Variants in PCDHGA2 observed in about 807,000 individuals in gnomAD.
The protein encoded by PCDHGA2 is protocadherin gamma subfamily A, 2.
A neutral mutation model predicts 59.2 loss-of-function variants in PCDHGA2; 40 were observed. That is an observed-to-expected ratio of 0.68 (90% CI 0.52 to 0.88). The LOEUF is 0.88. PCDHGA2 is among the 40% of genes least tolerant of loss of function. The pLI is 0.00. For missense variants in PCDHGA2, 1,226 were observed against 1,204.0 expected (o/e 1.02, Z -0.27); for synonymous variants, 560 against 526.0 (o/e 1.06, Z -0.89).
intron 1 of PCDHGA2, among the ~76,000 whole-genome samples, chr5:141,481,913 CAAAAAAA>C (rs34114744): frequency 2.2e-5 from 2 of 90,812 alleles, no homozygotes; most frequent in Admixed American, 1.2e-4. Context: ...AACTCCATCT[CAAAAAAA>C]AAAAAAAAAA....
intron 1 of PCDHGA2, among the ~76,000 whole-genome samples, chr5:141,364,008 C>G (rs553317478): frequency 6.6e-6 from 1 of 152,076 alleles, no homozygotes; most frequent in African/African-American, 2.4e-5. Flanking sequence ...TCATAAACAA[C>G]GCTACACAGT....
At chr5:141,462,459 C>T (rs190781980) in intron 1 of PCDHGA2, among the ~76,000 whole-genome samples, 11 of 152,128 alleles carry the variant, frequency 7.2e-5, no homozygotes, top group Admixed American at 2.6e-4. Flanking sequence ...TAACTGAAAA[C>T]TGTGTATTCT....
chr5:141,391,155 T>C (rs2092309201), intron 1 of PCDHGA2: 1 of 152,250 alleles, frequency 6.6e-6, no homozygotes, highest in Non-Finnish European at 1.5e-5. Context: ...GAAAGAAATA[T>C]AGTCTTGAAA....
intron 1 of PCDHGA2, chr5:141,433,331 C>G: frequency 1.4e-6 from 1 of 699,624 alleles, no homozygotes; most frequent in South Asian, 1.9e-5. Context: ...GTAACAGGGA[C>G]TACAGGTGCA....
chr5:141,429,487 C>G (rs2097218311), intron 1 of PCDHGA2, among the ~76,000 whole-genome samples: 1 of 151,822 alleles, frequency 6.6e-6, no homozygotes, highest in Non-Finnish European at 1.5e-5. Flanking sequence ...GTAGCTGAGA[C>G]TACAGTTGCC....
intron 1 of PCDHGA2, chr5:141,345,546 G>A: frequency 1.2e-6 from 2 of 1,614,130 alleles, no homozygotes; most frequent in South Asian, 2.2e-5. Context: ...GTCCTCCTTC[G>A]TCTCTATCAA....
At position 141,339,239 on chromosome 5, in the gene PCDHGA2, A is replaced by G; in HGVS notation, c.268A>G (p.Ile90Val). 6.2e-7 allele frequency: 1 copy of G among 1,614,272 alleles called. No homozygotes were observed. The highest frequency in any genetic ancestry group is 8.5e-7 in the Non-Finnish European group (1 of 1,180,050). The change falls in exon 1 of 4, where the codon ATA becomes GTA. Residue 90 changes from isoleucine to valine, a missense_variant. By Grantham distance (29) the Ile-to-Val change is conservative. Coordinates refer to ENST00000394576, the MANE Select transcript of PCDHGA2 (RefSeq NM_018915.4). ...CGGCAGCTTGGTCACTGCGAACAGG[A>G]TAGACCGGGAGGAGCTCTGCGCTCA... ...RSGSLVTANR[I>V]DREELCAQSA...
At chr5:141,394,513 T>C in intron 1 of PCDHGA2, 1 of 1,614,112 alleles carries the variant, frequency 6.2e-7, no homozygotes, top group Non-Finnish European at 8.5e-7. Flanking sequence ...TACCCCGCCC[T>C]CCCCACAGAC....
chr5:141,389,928 C>G, intron 1 of PCDHGA2: 1 of 1,614,066 alleles, frequency 6.2e-7, no homozygotes, highest in Non-Finnish European at 8.5e-7. Flanking sequence ...CCCCTCTGAC[C>G]TCCAGGCTGA....
chr5:141,365,232 T>A (rs762059066), intron 1 of PCDHGA2: 2 of 1,613,878 alleles, frequency 1.2e-6, no homozygotes, highest in East Asian at 4.5e-5. Flanking sequence ...CTGGGGGAAA[T>A]CTCAACTCTA....
At chr5:141,460,981 GTGTATA>G (rs1450537646) in intron 1 of PCDHGA2, among the ~76,000 whole-genome samples, 10 of 121,882 alleles carry the variant, frequency 8.2e-5, no homozygotes, top group African/African-American at 3.1e-4. Flanking sequence ...GTGTGTGTGT[GTGTATA>G]TATATATATG....
At chr5:141,387,557 G>A in intron 1 of PCDHGA2, 1 of 416,144 alleles carries the variant, frequency 2.4e-6, no homozygotes. Flanking sequence ...TTTCAGTTAG[G>A]CACACAATTA....
chr5:141,372,689 T>C (rs1465173410), intron 1 of PCDHGA2: 1 of 1,614,032 alleles, frequency 6.2e-7, no homozygotes. Flanking sequence ...ACACCGAGTT[T>C]AAATTTCTCA....
intron 1 of PCDHGA2, chr5:141,362,628 C>T (rs1366089431): frequency 1.0e-5 from 15 of 1,498,628 alleles, no homozygotes; most frequent in African/African-American, 7.0e-5. Context: ...AGTTCCACTG[C>T]GTATTTCTTT....
At chr5:141,392,973 C>A (rs1405082783) in intron 1 of PCDHGA2, 1 of 1,613,888 alleles carries the variant, frequency 6.2e-7, no homozygotes, top group South Asian at 1.1e-5. Flanking sequence ...GGACCTGGGG[C>A]TGGACCCCCG....
intron 1 of PCDHGA2, chr5:141,370,260 C>T (rs2149959480): frequency 1.4e-6 from 1 of 735,774 alleles, no homozygotes; most frequent in Non-Finnish European, 2.1e-6. Context: ...TATCAGGCTT[C>T]CTGCAGCGGA....
Position 141,489,527 on chromosome 5 carries a change from G to A in PCDHGA2, c.2425-5280G>A. On this transcript the variant is annotated intron_variant, in intron 1 of 3. Coordinates refer to ENST00000394576, the MANE Select transcript of PCDHGA2 (RefSeq NM_018915.4). The surrounding 1 kb of genome is among the most constrained non-coding windows in gnomAD (Gnocchi z 4.5). The stretch of plus-strand genomic sequence containing the variant: ...CAAAAGATTGACCGAGAAAGCCTAT[G>A]TGGAGCCAGCACCAGCTGCCTGCTG... The A allele has an allele frequency of 1.9e-6, 3 of 1,614,152 alleles. No individual in the cohort carries two copies. Among genetic ancestry groups the A allele is most frequent in the East Asian group, 2.2e-5 (1 of 44,874 alleles).
At chr5:141,393,168 G>T (rs1486915956) in intron 1 of PCDHGA2, 1 of 1,613,100 alleles carries the variant, frequency 6.2e-7, no homozygotes, top group Non-Finnish European at 8.5e-7. Context: ...ACTCTTTGGG[G>T]TAGAAATAGA....
At chr5:141,464,263 TAA>T (rs35224477) in intron 1 of PCDHGA2, among the ~76,000 whole-genome samples, 15 of 103,552 alleles carry the variant, frequency 1.4e-4, no homozygotes, top group Admixed American at 3.2e-4. Context: ...AGACTCCGTC[TAA>T]AAAAAAAAAA....
Sources: gnomAD v4.1 joint callset for allele counts (sites outside exome capture counted in the v4.1 genomes callset) on GRCh38, gnomAD v4.1.1 for gene constraint, Gnocchi (gnomAD v3.1) non-coding constraint, MANE v1.5 for transcripts, NCBI Gene and HGNC (gene_info 2026-07-23, HGNC 2026-07-21) for gene names.